DHX32: variants seen among roughly 807,000 people sequenced by gnomAD.
DHX32 encodes the protein putative pre-mRNA-splicing factor ATP-dependent RNA helicase DHX32.
A neutral mutation model predicts 70.0 loss-of-function variants in DHX32; 51 were observed. The observed-to-expected ratio is 0.73, with a 90% CI of 0.58 to 0.92. The LOEUF is 0.92. Among genes scored for constraint, DHX32 ranks in the 40% least tolerant of loss-of-function variants. DHX32 has a pLI of 0.00. For missense variants in DHX32, 762 were observed against 891.8 expected, an observed-to-expected ratio of 0.85 and a Z score of 1.85; for synonymous variants, 310 against 315.3, an observed-to-expected ratio of 0.98 and a Z score of 0.18.
intron 2 of DHX32, among the ~76,000 whole-genome samples, chr10:125,863,894 T>C (rs1944204275): frequency 6.6e-6 from 1 of 152,206 alleles, no homozygotes. Context: ...AGCTACCACA[T>C]ACATACACCA....
intron 3 of DHX32, among the ~76,000 whole-genome samples, chr10:125,855,623 T>C (rs979525243): frequency 9.9e-5 from 15 of 151,964 alleles, no homozygotes; most frequent in African/African-American, 3.6e-4. Context: ...TAATTTTTTT[T>C]GTATTTTTAG....
At chr10:125,840,296 G>A (rs181080229) in intron 8 of DHX32, among the ~76,000 whole-genome samples, 219 of 152,294 alleles carry the variant, frequency 1.4e-3, no homozygotes, top group African/African-American at 5.1e-3. Context: ...AAAGGACTTT[G>A]TGGCTTTGCT....
intron 8 of DHX32, 70 bp from the exon 9 acceptor site, chr10:125,839,258 A>G: frequency 1.3e-6 from 2 of 1,512,780 alleles, no homozygotes; most frequent in Non-Finnish European, 1.8e-6. Flanking sequence ...CAGGCCAGGC[A>G]GTTGCCATCT....
At chr10:125,882,833 C>T (rs947866713), upstream of DHX32, among the ~76,000 whole-genome samples, 1 of 152,058 alleles carries the variant, frequency 6.6e-6, no homozygotes, top group Non-Finnish European at 1.5e-5. Flanking sequence ...GGAAGGTATC[C>T]AAGAATCAGA....
upstream of DHX32, among the ~76,000 whole-genome samples, chr10:125,883,309 T>A (rs1386509991): frequency 6.6e-6 from 1 of 152,112 alleles, no homozygotes; most frequent in Non-Finnish European, 1.5e-5. Flanking sequence ...AATGGAGAGG[T>A]AGAGTCTATT....
intron 1 of DHX32, among the ~76,000 whole-genome samples, chr10:125,872,261 C>T (rs577196597): frequency 2.1e-4 from 32 of 152,250 alleles, no homozygotes; most frequent in Admixed American, 1.4e-3. Context: ...TTTGTTTCTA[C>T]CCCATAGTTC....
At chr10:125,863,500 T>C (rs1458989874) in intron 2 of DHX32, among the ~76,000 whole-genome samples, 2 of 151,726 alleles carry the variant, frequency 1.3e-5, no homozygotes, top group South Asian at 2.1e-4. Flanking sequence ...CAGTCTGGAG[T>C]GCAGTGGCAT....
chr10:125,885,163 T>C (rs577797003), upstream of DHX32, among the ~76,000 whole-genome samples: 1 of 152,222 alleles, frequency 6.6e-6, no homozygotes, highest in East Asian at 1.9e-4. Context: ...CAATTTCAGT[T>C]AATTCCTTCC....
chr10:125,876,191 A>G (rs1437358404), intron 1 of DHX32, among the ~76,000 whole-genome samples: 1 of 152,192 alleles, frequency 6.6e-6, no homozygotes, highest in Non-Finnish European at 1.5e-5. Flanking sequence ...AATCAGCAGT[A>G]CCCATTCCTT....
intron 6 of DHX32, among the ~76,000 whole-genome samples, chr10:125,849,629 G>T (rs1944065177): frequency 6.6e-6 from 1 of 152,214 alleles, no homozygotes; most frequent in African/African-American, 2.4e-5. Context: ...GGCAGTGCCA[G>T]TCCTGCCGGT....
At chr10:125,895,393 G>T (rs1053391907) in intron 1 of DHX32, among the ~76,000 whole-genome samples, 2 of 152,188 alleles carry the variant, frequency 1.3e-5, no homozygotes, top group Non-Finnish European at 2.9e-5. Context: ...CTCCAGACCT[G>T]AATACCAAAT....
At chr10:125,884,905 G>C (rs1403040770), upstream of DHX32, among the ~76,000 whole-genome samples, 1 of 151,948 alleles carries the variant, frequency 6.6e-6, no homozygotes, top group Non-Finnish European at 1.5e-5. Context: ...TTAGTTCCTG[G>C]ACCTCTCTTC....
At chr10:125,858,688 T>C (rs1463363165) in intron 3 of DHX32, among the ~76,000 whole-genome samples, 1 of 152,168 alleles carries the variant, frequency 6.6e-6, no homozygotes, top group Admixed American at 6.5e-5. Context: ...ATTTCCTTTT[T>C]GGTTTCTGTT....
At position 125,852,300 on chromosome 10, in the gene DHX32, G is replaced by A. The variant is rs61757587; in HGVS notation, c.1344C>T (p.Asn448=). Residue 448 remains asparagine, a synonymous_variant, in exon 6 of 11, where the codon AAC becomes AAT. Coordinates refer to ENST00000284690, the MANE Select transcript of DHX32 (RefSeq NM_018180.3). ...IAGLGHCDFM[N]RPAPESLMQA... ...ATGGGAGCATAAGGCTACCTGGTCT[G>A]TTCATGAAGTCACAGTGGCCTAGGC... 2,529 of 1,613,974 alleles carry A rather than the reference G, an allele frequency of 1.6e-3. 30 individuals are homozygous for A. In the African/African-American group the frequency reaches 0.026, roughly 17 times the overall value.
At position 125,864,929 on chromosome 10, in the gene DHX32, C is replaced by CAA. The variant is rs61570718; in HGVS notation, c.476+2059_476+2060dup. Reference sequence around the variant, plus strand: ...TGGGAGACAGAGTGGGACTCTGTCTCAAAAAAAAAAAAAAAAAAAAAAAAA... The same window carrying CAA: ...TGGGAGACAGAGTGGGACTCTGTCTCAAAAAAAAAAAAAAAAAAAAAAAAAAA... On this transcript the variant is annotated intron_variant, in intron 2 of 10. Coordinates refer to ENST00000284690, the MANE Select transcript of DHX32 (RefSeq NM_018180.3). 1.3e-3 allele frequency among the ~76,000 whole-genome samples: 68 copies of CAA among 54,216 alleles called. 10 individuals carry two copies. The highest frequency in any genetic ancestry group is 1.6e-3 in the Non-Finnish European group (51 of 32,380). The allele number at this position is 54,216 out of a possible 152,430, so 35.6% of individuals were successfully genotyped here.
At chr10:125,860,799 A>AGGCTGGAGTGCAGTG (rs1226797118) in intron 2 of DHX32, among the ~76,000 whole-genome samples, 11 of 117,214 alleles carry the variant, frequency 9.4e-5, no homozygotes, top group Non-Finnish European at 1.8e-4. Flanking sequence ...TCTGTCGCCC[A>AGGCTGGAGTGCAGTG]GGCTGGAGTG....
rs775306115 is a variant in DHX32, at chr10:125,841,002, A to G, written c.1544-6T>C. The G allele has an allele frequency of 5.7e-6, 9 of 1,592,146 alleles. No individual in the cohort carries two copies. The highest frequency in any genetic ancestry group is 1.4e-5 in the African/African-American group (1 of 74,018). ...ATGTGAAAAGCAATTTGGAGCTTCA[A>G]AATGAAAAAGGTCACATGGTTAGCA... On this transcript the variant is annotated splice_polypyrimidine_tract_variant and splice_region_variant and intron_variant, in intron 7 of 10. Coordinates refer to ENST00000284690, the MANE Select transcript of DHX32 (RefSeq NM_018180.3).
chr10:125,857,743 G>C (rs1944157664), intron 3 of DHX32, among the ~76,000 whole-genome samples: 1 of 151,974 alleles, frequency 6.6e-6, no homozygotes. Flanking sequence ...CCTCAGTTCT[G>C]TTATGAGCTT....
chr10:125,879,178 C>A (rs553645850), intron 1 of DHX32, among the ~76,000 whole-genome samples: 1 of 151,632 alleles, frequency 6.6e-6, no homozygotes, highest in African/African-American at 2.4e-5. Flanking sequence ...CACGCACCAC[C>A]ATGCCCAGCT....
Sources: allele counts gnomAD v4.1 joint callset (sites outside exome capture counted in the v4.1 genomes callset), GRCh38; gene constraint gnomAD v4.1.1; transcripts MANE v1.5; gene names NCBI Gene and HGNC (gene_info 2026-07-23, HGNC 2026-07-21).